Variants in LRP1B observed in about 807,000 individuals in gnomAD.
LRP1B encodes the protein low-density lipoprotein receptor-related protein 1B.
LRP1B carries 217 observed loss-of-function variants against 556.6 expected under a neutral mutation model. The observed-to-expected ratio is 0.39, with a 90% CI of 0.35 to 0.44. The LOEUF is 0.44. Among genes scored for constraint, LRP1B ranks in the 20% least tolerant of loss-of-function variants. LRP1B has a pLI of 1.00. For synonymous variants in LRP1B, 2,047 were observed against 1,865.8 expected (o/e 1.10, Z -2.50); for missense variants, 5,053 against 5,620.8 (o/e 0.90, Z 3.23).
chr2:141,599,302 C>T (rs1361318366), intron 2 of LRP1B, among the ~76,000 whole-genome samples: 1 of 151,680 alleles, frequency 6.6e-6, no homozygotes, highest in East Asian at 1.9e-4. Flanking sequence ...TTTTAATTTC[C>T]CTATTCAACA....
intron 2 of LRP1B, among the ~76,000 whole-genome samples, chr2:141,793,814 A>G (rs1335825665): frequency 6.6e-6 from 1 of 151,886 alleles, no homozygotes; most frequent in Non-Finnish European, 1.5e-5. Context: ...TGGAATCTAA[A>G]TGCATTTCCC....
At chr2:140,305,679 G>C (rs533343813) in intron 83 of LRP1B, among the ~76,000 whole-genome samples, 18 of 152,074 alleles carry the variant, frequency 1.2e-4, no homozygotes, top group South Asian at 6.2e-4. Context: ...GCCAGAACTT[G>C]CAACACTATG....
At chr2:141,373,306 C>T (rs115475470) in intron 3 of LRP1B, among the ~76,000 whole-genome samples, 3,932 of 152,132 alleles carry the variant, frequency 0.026, 166 homozygotes, top group African/African-American at 0.087. Context: ...CTAACGAAAA[C>T]GATGAATATT....
At chr2:140,748,481 C>A (rs1688425914) in intron 35 of LRP1B, among the ~76,000 whole-genome samples, 1 of 89,120 alleles carries the variant, frequency 1.1e-5, no homozygotes, top group Non-Finnish European at 2.2e-5. Context: ...TTAAAAAATT[C>A]CTAGCAATAA....
chr2:141,463,554 T>TA (rs1332788564), intron 3 of LRP1B, among the ~76,000 whole-genome samples: 1 of 18,118 alleles, frequency 5.5e-5, no homozygotes, highest in Non-Finnish European at 1.4e-4. Flanking sequence ...TATAATTATA[T>TA]ATAATATATA....
chr2:141,463,141 G>C (rs1681978086), intron 3 of LRP1B, among the ~76,000 whole-genome samples: 1 of 152,094 alleles, frequency 6.6e-6, no homozygotes, highest in Non-Finnish European at 1.5e-5. Flanking sequence ...ATTAGTATTG[G>C]TCCATTGTGG....
In LRP1B at chr2:141,212,373, G is replaced by T. The variant is rs1311724711; in HGVS notation, c.850+16810C>A. On this transcript the variant is annotated intron_variant, in intron 6 of 90. Coordinates refer to ENST00000389484, the MANE Select transcript of LRP1B (RefSeq NM_018557.3). ...GGCTCACTGCAAGCTCCGCCTCCTG[G>T]GTTCACGCCATTCTCCTGCCTCAGC... 1.4e-4 allele frequency among the ~76,000 whole-genome samples: 19 copies of T among 138,752 alleles called. 1 individual carries two copies. The highest frequency in any genetic ancestry group is 4.6e-5 in the Non-Finnish European group (3 of 65,508). The allele number at this position is 138,752 out of a possible 152,430, so 91.0% of individuals were successfully genotyped here.
At chr2:141,809,000 G>C (rs1457018129) in intron 2 of LRP1B, among the ~76,000 whole-genome samples, 5 of 151,938 alleles carry the variant, frequency 3.3e-5, no homozygotes, top group Non-Finnish European at 7.4e-5. Context: ...TTTTTCCTAT[G>C]AACCTTTTAT....
At chr2:141,378,380 A>C (rs1270445154) in intron 3 of LRP1B, among the ~76,000 whole-genome samples, 1 of 152,188 alleles carries the variant, frequency 6.6e-6, no homozygotes, top group African/African-American at 2.4e-5. Flanking sequence ...AATATCAATA[A>C]AGAGAAATTA....
intron 3 of LRP1B, among the ~76,000 whole-genome samples, chr2:141,299,834 A>T (rs1206920448): frequency 2.0e-5 from 3 of 152,168 alleles, no homozygotes; most frequent in Non-Finnish European, 4.4e-5. Context: ...TGGGCCCAGG[A>T]CTTCAATATT....
chr2:141,540,972 T>G (rs1685236927), intron 2 of LRP1B, among the ~76,000 whole-genome samples: 1 of 151,476 alleles, frequency 6.6e-6, no homozygotes, highest in South Asian at 2.1e-4. Context: ...ACTATATAGC[T>G]GCTAAAAAAT....
intron 3 of LRP1B, among the ~76,000 whole-genome samples, chr2:141,453,008 G>T (rs1292299287): frequency 6.6e-6 from 1 of 152,050 alleles, no homozygotes; most frequent in African/African-American, 2.4e-5. Flanking sequence ...GGCTGAGGTC[G>T]GCAGATCACT....
At chr2:141,215,103 G>A (rs552457192) in intron 6 of LRP1B, among the ~76,000 whole-genome samples, 1 of 152,262 alleles carries the variant, frequency 6.6e-6, no homozygotes, top group South Asian at 2.1e-4. Flanking sequence ...GATCCCTTAT[G>A]GCTTGGTGCT....
intron 34 of LRP1B, 105 bp downstream of exon 34, chr2:140,770,776 A>G: frequency 1.1e-6 from 1 of 889,058 alleles, no homozygotes; most frequent in Non-Finnish European, 1.6e-6. Flanking sequence ...TAACTAGTTA[A>G]TTTTTTTCTA....
intron 2 of LRP1B, among the ~76,000 whole-genome samples, chr2:141,483,946 G>T (rs1164837641): frequency 6.6e-6 from 1 of 151,420 alleles, no homozygotes. Flanking sequence ...TTCTTTTGCT[G>T]TGCAGAAGCT....
At chr2:141,130,851 A>T (rs970721434) in intron 7 of LRP1B, among the ~76,000 whole-genome samples, 2 of 152,148 alleles carry the variant, frequency 1.3e-5, no homozygotes, top group Non-Finnish European at 2.9e-5. Context: ...GCCATAAAAA[A>T]GAATGAGTTC....
At chr2:140,789,487 T>TACTA (rs951507404) in intron 32 of LRP1B, among the ~76,000 whole-genome samples, 3 of 152,166 alleles carry the variant, frequency 2.0e-5, no homozygotes, top group African/African-American at 7.2e-5. Flanking sequence ...GAAAGTGAAG[T>TACTA]ACTAAGGTTT....
intron 18 of LRP1B, among the ~76,000 whole-genome samples, chr2:140,974,922 G>T (rs917586881): frequency 2.0e-5 from 3 of 152,144 alleles, no homozygotes. Context: ...TCCTGAGAAG[G>T]CACTGATGAG....
At chr2:140,535,935 A>G (rs1447007641) in intron 46 of LRP1B, among the ~76,000 whole-genome samples, 1 of 152,118 alleles carries the variant, frequency 6.6e-6, no homozygotes, top group Non-Finnish European at 1.5e-5. Context: ...ACTAGCCCCC[A>G]TGCTAATCCT....
Sources: allele counts gnomAD v4.1 joint callset (sites outside exome capture counted in the v4.1 genomes callset), GRCh38; gene constraint gnomAD v4.1.1; transcripts MANE v1.5; gene names NCBI Gene and HGNC (gene_info 2026-07-23, HGNC 2026-07-21).